The following FHOD3 variants were observed in gnomAD, a reference collection of about 807,000 sequenced individuals.
FHOD3 encodes formin homology 2 domain containing 3, also known as FH1/FH2 domain-containing protein 3.
In FHOD3, 90 loss-of-function variants were observed where a neutral mutation model predicts 173.0. The ratio of observed to expected loss-of-function variants is 0.52; its 90% confidence interval spans 0.44 to 0.62. The LOEUF (loss-of-function observed/expected upper bound fraction) is 0.62, where lower values mean the gene tolerates loss of function less well. Among genes scored for constraint, FHOD3 ranks in the 20% least tolerant of loss-of-function variants. The probability of loss-of-function intolerance (pLI) is 0.00; values close to 1 mark genes in which losing one functional copy is unlikely to be tolerated. For synonymous variants in FHOD3, 828 were observed against 823.0 expected (o/e 1.01, Z -0.10); for missense variants, 1,945 against 2,034.7 (o/e 0.96, Z 0.85).
intron 14 of FHOD3, among the ~76,000 whole-genome samples, chr18:36,679,958 G>C (rs894992919): frequency 3.9e-5 from 6 of 152,178 alleles, no homozygotes; most frequent in African/African-American, 1.4e-4. Flanking sequence ...TACTGTGCAA[G>C]AGGTATTACA....
In FHOD3 at chr18:36,653,406, T is replaced by C; in HGVS notation, c.1711T>C (p.Ser571Pro). The change falls in exon 13 of 29, where the codon TCT (serine) becomes CCT (proline). Residue 571 changes from serine to proline, a missense_variant. Ser to Pro is a moderately conservative substitution (Grantham distance 74, BLOSUM62 -1). This residue lies in a region of FHOD3 where 1,099 missense variants were observed against 1,051.2 expected (regional missense o/e 1.05). Coordinates refer to ENST00000590592, the MANE Select transcript of FHOD3 (RefSeq NM_001281740.3). The part of the protein sequence containing the change: ...ASEPYHFRSF[S>P]SNRYSNFGNN... ...TGAGCCTTACCACTTCCGATCTTTCTCTTCTAATAGGTGGGTGTCTTTATT... is the reference window on the plus strand; with the variant it reads ...TGAGCCTTACCACTTCCGATCTTTCCCTTCTAATAGGTGGGTGTCTTTATT... 1 of 1,531,994 alleles carries C rather than the reference T, an allele frequency of 6.5e-7. No individual in the cohort carries two copies. 94.9% of individuals were successfully genotyped at this position (1,531,994 alleles called of 1,614,324 possible).
Position 36,512,525 on chromosome 18 carries a change from C to A in FHOD3, c.493C>A (p.Gln165Lys). The A allele has an allele frequency of 6.2e-7, 1 of 1,613,698 alleles. No homozygotes were observed. The highest frequency in any genetic ancestry group is 8.5e-7 in the Non-Finnish European group (1 of 1,179,698). Reference protein sequence around the residue: ...KVGAEADQNYQNYILRALGQI... With the variant: ...KVGAEADQNYKNYILRALGQI... ...GGGAGCTGAGGCTGATCAGAACTATCAGAACTACATCTTAAGGGGTAAGTC... is the reference window on the plus strand; with the variant it reads ...GGGAGCTGAGGCTGATCAGAACTATAAGAACTACATCTTAAGGGGTAAGTC... The change falls in exon 5 of 29, where the codon CAG becomes AAG. Residue 165 changes from glutamine (Q) to lysine (K), a missense_variant. Around this residue, in one of 5 missense-constraint regions of FHOD3, gnomAD observed 245 missense variants for 267.7 expected, o/e 0.92. Coordinates refer to ENST00000590592, the MANE Select transcript of FHOD3 (RefSeq NM_001281740.3).
chr18:36,778,030 A>C (rs557862030), intron 28 of FHOD3: 6 of 152,238 alleles, frequency 3.9e-5, no homozygotes, highest in African/African-American at 9.6e-5. Flanking sequence ...GATGGATATT[A>C]TGTTGACCCC....
At chr18:36,737,121 T>C (rs1161430554) in intron 20 of FHOD3, among the ~76,000 whole-genome samples, 1 of 152,172 alleles carries the variant, frequency 6.6e-6, no homozygotes, top group East Asian at 1.9e-4. Flanking sequence ...TTATTGTCAG[T>C]GATGTGTAAA....
At chr18:36,615,577 G>C (rs982505374) in intron 9 of FHOD3, among the ~76,000 whole-genome samples, 1 of 152,180 alleles carries the variant, frequency 6.6e-6, no homozygotes, top group Non-Finnish European at 1.5e-5. Context: ...ATTTTCCCTT[G>C]TCATTACATG....
intron 3 of FHOD3, among the ~76,000 whole-genome samples, chr18:36,434,501 C>G (rs2050714085): frequency 6.6e-6 from 1 of 152,168 alleles, no homozygotes; most frequent in Non-Finnish European, 1.5e-5. Flanking sequence ...TACAAGTCTT[C>G]AAATTCTTTG....
intron 1 of FHOD3, among the ~76,000 whole-genome samples, chr18:36,300,530 AC>A (rs1260947233): frequency 2.0e-5 from 3 of 152,100 alleles, no homozygotes; most frequent in African/African-American, 7.2e-5. Context: ...TCATACCAGG[AC>A]CCTGCCACCA....
chr18:36,612,177 C>G, intron 9 of FHOD3, 82 bp downstream of exon 9: 3 of 1,447,682 alleles, frequency 2.1e-6, no homozygotes, highest in Non-Finnish European at 2.8e-6. Flanking sequence ...TTAGACCACG[C>G]GTAAAGCGTA....
chr18:36,321,368 A>G (rs921205498), intron 1 of FHOD3, among the ~76,000 whole-genome samples: 1 of 152,074 alleles, frequency 6.6e-6, no homozygotes, highest in Non-Finnish European at 1.5e-5. Context: ...CCTCTCTGTA[A>G]TGTGTATGGG....
chr18:36,438,731 G>A (rs2050955548), intron 3 of FHOD3, among the ~76,000 whole-genome samples: 1 of 152,182 alleles, frequency 6.6e-6, no homozygotes, highest in Non-Finnish European at 1.5e-5. Context: ...CCTCGGCTCA[G>A]GCCCTCTCAC....
intron 1 of FHOD3, among the ~76,000 whole-genome samples, chr18:36,338,388 G>C (rs1232459039): frequency 6.6e-6 from 1 of 152,162 alleles, no homozygotes; most frequent in African/African-American, 2.4e-5. Context: ...ACCTTCAAGA[G>C]AAGCTGGAAA....
chr18:36,657,003 C>A (rs999590351), intron 13 of FHOD3, among the ~76,000 whole-genome samples: 1 of 152,148 alleles, frequency 6.6e-6, no homozygotes, highest in Non-Finnish European at 1.5e-5. Context: ...AAGGTTATTT[C>A]CTTATGTTAT....
intron 3 of FHOD3, among the ~76,000 whole-genome samples, chr18:36,478,302 A>G (rs776871742): frequency 6.6e-6 from 1 of 152,178 alleles, no homozygotes; most frequent in South Asian, 2.1e-4. Context: ...TTGTGAGTAC[A>G]CAGTAGGGGT....
intron 3 of FHOD3, among the ~76,000 whole-genome samples, chr18:36,470,837 A>G (rs2053242206): frequency 6.6e-6 from 1 of 152,246 alleles, no homozygotes; most frequent in Non-Finnish European, 1.5e-5. Flanking sequence ...GAAATAACAG[A>G]CAGGGAGCCT....
At chr18:36,693,702 C>A (rs1485527300) in intron 17 of FHOD3, among the ~76,000 whole-genome samples, 1 of 152,134 alleles carries the variant, frequency 6.6e-6, no homozygotes, top group Non-Finnish European at 1.5e-5. Context: ...AACATTTAAT[C>A]CTAAATACTG....
chr18:36,612,159 C>A, intron 9 of FHOD3, 64 bp downstream of exon 9: 1 of 1,556,810 alleles, frequency 6.4e-7, no homozygotes, highest in Non-Finnish European at 8.7e-7. Flanking sequence ...GCTGAGATGG[C>A]GCCTACTTTA....
intron 14 of FHOD3, among the ~76,000 whole-genome samples, chr18:36,666,184 G>A (rs2037168748): frequency 6.6e-6 from 1 of 152,228 alleles, no homozygotes; most frequent in Admixed American, 6.5e-5. Context: ...CATGGCCAAG[G>A]AGCTCAGATC....
At chr18:36,564,307 A>G (rs532589036) in intron 5 of FHOD3, among the ~76,000 whole-genome samples, 20 of 152,340 alleles carry the variant, frequency 1.3e-4, no homozygotes, top group African/African-American at 4.8e-4. Context: ...TAGAGAACCT[A>G]GAAGTCTGCC....
At chr18:36,480,818 G>A (rs1390917697) in intron 3 of FHOD3, among the ~76,000 whole-genome samples, 2 of 152,124 alleles carry the variant, frequency 1.3e-5, no homozygotes, top group African/African-American at 4.8e-5. Context: ...CTCAATTAAG[G>A]TTCATCACCA....
Sources: gnomAD v4.1 joint callset for allele counts (sites outside exome capture counted in the v4.1 genomes callset) on GRCh38, gnomAD v4.1.1 for gene constraint, gnomAD v4.1.1 regional missense constraint, MANE v1.5 for transcripts, NCBI Gene and HGNC (gene_info 2026-07-23, HGNC 2026-07-21) for gene names.